Variants in SGCZ observed in about 807,000 individuals in gnomAD.
SGCZ encodes the protein zeta-sarcoglycan.
Under a neutral mutation model 41.3 loss-of-function variants are expected in SGCZ, and 40 were observed. The observed-to-expected ratio is 0.97, with a 90% CI of 0.75 to 1.26. The LOEUF is 1.26. Ranked by LOEUF, SGCZ falls within the 50% of genes most tolerant of loss-of-function variation. The pLI, the probability that SGCZ is intolerant of heterozygous loss-of-function variation, is 0.00. For missense variants in SGCZ, 552 were observed against 369.8 expected, an observed-to-expected ratio of 1.49 and a Z score of -4.04; for synonymous variants, 206 against 137.5, an observed-to-expected ratio of 1.50 and a Z score of -3.49.
intron 1 of SGCZ, among the ~76,000 whole-genome samples, chr8:15,222,849 G>A (rs1205945854): frequency 1.3e-5 from 2 of 151,890 alleles, no homozygotes; most frequent in African/African-American, 4.8e-5. Flanking sequence ...TTTGCACAGA[G>A]AAGCAATAGT....
At chr8:14,733,995 C>A (rs759984153) in intron 1 of SGCZ, among the ~76,000 whole-genome samples, 1 of 152,172 alleles carries the variant, frequency 6.6e-6, no homozygotes, top group Non-Finnish European at 1.5e-5. Context: ...CTCCATAAAT[C>A]AGTTAATGGA....
intron 3 of SGCZ, among the ~76,000 whole-genome samples, chr8:14,266,906 G>C (rs192211053): frequency 6.6e-6 from 1 of 152,162 alleles, no homozygotes. Flanking sequence ...ACTATTGCAA[G>C]ACAAAATATG....
At chr8:15,061,289 A>C (rs1027292660) in intron 1 of SGCZ, among the ~76,000 whole-genome samples, 1 of 152,104 alleles carries the variant, frequency 6.6e-6, no homozygotes, top group Non-Finnish European at 1.5e-5. Flanking sequence ...AGGAACAGAA[A>C]ACCAAACACC....
At chr8:14,238,548 G>C (rs1806850544) in intron 3 of SGCZ, among the ~76,000 whole-genome samples, 1 of 152,106 alleles carries the variant, frequency 6.6e-6, no homozygotes, top group South Asian at 2.1e-4. Flanking sequence ...CAGTAAAACA[G>C]TTGATTGAAG....
intron 2 of SGCZ, among the ~76,000 whole-genome samples, chr8:14,482,432 G>T (rs1013622887): frequency 3.9e-5 from 6 of 152,120 alleles, no homozygotes; most frequent in African/African-American, 1.4e-4. Flanking sequence ...CTTTACACTT[G>T]TGCCTGATTT....
chr8:15,166,333 T>A (rs1204708342), intron 1 of SGCZ, among the ~76,000 whole-genome samples: 1 of 151,720 alleles, frequency 6.6e-6, no homozygotes, highest in Admixed American at 6.6e-5. Flanking sequence ...CTGCAAGCTC[T>A]GCCTCCCGGG....
intron 3 of SGCZ, among the ~76,000 whole-genome samples, chr8:14,313,996 G>C (rs1801631950): frequency 6.6e-6 from 1 of 150,772 alleles, no homozygotes; most frequent in Non-Finnish European, 1.5e-5. Context: ...AATTCTTAAA[G>C]CATTTGTTTA....
At chr8:14,252,835 T>C (rs1219214360) in intron 3 of SGCZ, among the ~76,000 whole-genome samples, 2 of 152,220 alleles carry the variant, frequency 1.3e-5, no homozygotes, top group African/African-American at 2.4e-5. Context: ...TAGCTTTCAT[T>C]TTCTACTATT....
rs192712782 is a variant in SGCZ, at chr8:14,382,907, G to A, written c.235-58703C>T. Among the ~76,000 whole-genome samples the A allele has an allele frequency of 1.6e-4, 25 of 152,184 alleles. No homozygotes were observed. The Middle Eastern group carries it at 0.01, about 62-fold the overall frequency. The stretch of plus-strand genomic sequence containing the variant: ...CCAGTAACTAAAGCTTTGGTACTAG[G>A]TATAGTTAATCATACCTAGTTATTT... On this transcript the variant is annotated intron_variant, in intron 2 of 7. Transcript: ENST00000382080.
At chr8:14,231,489 C>T (rs1331807723) in intron 4 of SGCZ, among the ~76,000 whole-genome samples, 1 of 151,920 alleles carries the variant, frequency 6.6e-6, no homozygotes, top group Non-Finnish European at 1.5e-5. Flanking sequence ...AAACACAGGT[C>T]CAATTATGCA....
intron 2 of SGCZ, among the ~76,000 whole-genome samples, chr8:14,439,814 T>A (rs565847530): frequency 6.6e-6 from 1 of 152,006 alleles, no homozygotes; most frequent in Non-Finnish European, 1.5e-5. Flanking sequence ...GAACTTATAT[T>A]ATGCTTAATG....
intron 1 of SGCZ, among the ~76,000 whole-genome samples, chr8:14,703,534 T>C (rs1363392880): frequency 6.6e-6 from 1 of 152,034 alleles, no homozygotes; most frequent in Non-Finnish European, 1.5e-5. Context: ...TATTGCCTTA[T>C]ATATTTCATG....
At chr8:14,973,909 A>G (rs1801380253) in intron 1 of SGCZ, among the ~76,000 whole-genome samples, 1 of 152,184 alleles carries the variant, frequency 6.6e-6, no homozygotes, top group Non-Finnish European at 1.5e-5. Context: ...TATGTACATG[A>G]CATAAGAGAC....
At chr8:15,232,687 A>G (rs967754399) in intron 1 of SGCZ, among the ~76,000 whole-genome samples, 1 of 142,398 alleles carries the variant, frequency 7.0e-6, no homozygotes, top group Non-Finnish European at 1.6e-5. Context: ...ATATATATAT[A>G]TATGTGTGTA....
intron 1 of SGCZ, among the ~76,000 whole-genome samples, chr8:15,064,226 T>C (rs1433734783): frequency 6.6e-6 from 1 of 152,166 alleles, no homozygotes; most frequent in Non-Finnish European, 1.5e-5. Context: ...TAACTATCTA[T>C]ATTTCTCAGA....
chr8:14,825,187 T>A (rs1257136918), intron 1 of SGCZ, among the ~76,000 whole-genome samples: 1 of 152,176 alleles, frequency 6.6e-6, no homozygotes, highest in Admixed American at 6.5e-5. Context: ...AAAACAAAAA[T>A]CTTAACATTA....
intron 5 of SGCZ, among the ~76,000 whole-genome samples, chr8:14,155,450 A>T (rs1046408366): frequency 6.6e-6 from 1 of 152,098 alleles, no homozygotes; most frequent in Non-Finnish European, 1.5e-5. Flanking sequence ...TTAATGTTTT[A>T]AAAATGTGCT....
At chr8:14,179,580 C>T (rs68184191) in intron 4 of SGCZ, among the ~76,000 whole-genome samples, 37,208 of 152,010 alleles carry the variant, frequency 0.24, 5,778 homozygotes, top group African/African-American at 0.44. Flanking sequence ...ACCTCAGAGT[C>T]TCTTACAAAT....
intron 4 of SGCZ, among the ~76,000 whole-genome samples, chr8:14,189,144 C>A (rs1201709669): frequency 6.6e-6 from 1 of 152,030 alleles, no homozygotes; most frequent in Non-Finnish European, 1.5e-5. Context: ...CAGGCGTGAG[C>A]CACTGCACCT....
Sources: gnomAD v4.1 joint callset for allele counts (sites outside exome capture counted in the v4.1 genomes callset) on GRCh38, gnomAD v4.1.1 for gene constraint, MANE v1.5 for transcripts, NCBI Gene and HGNC (gene_info 2026-07-23, HGNC 2026-07-21) for gene names.